DST: variants seen among roughly 807,000 people sequenced by gnomAD.
The protein encoded by DST is dystonin.
DST carries 253 observed loss-of-function variants against 875.2 expected under a neutral mutation model. The ratio of observed to expected loss-of-function variants is 0.29; its 90% confidence interval spans 0.26 to 0.32. The LOEUF is 0.32. Ranked by LOEUF, DST falls within the 10% of genes least tolerant of loss-of-function variation. DST has a pLI of 1.00. For synonymous variants in DST, 3,124 were observed against 3,197.1 expected, an observed-to-expected ratio of 0.98 and a Z score of 0.77; for missense variants, 8,287 against 9,111.6, an observed-to-expected ratio of 0.91 and a Z score of 3.68.
rs34682914 is a variant in DST, at chr6:56,591,981, CAAAAAAA to C, written c.12903+194_12903+200del. Among the ~76,000 whole-genome samples the C allele has an allele frequency of 1.6e-4, 10 of 63,944 alleles. 1 individual carries two copies. Among genetic ancestry groups the C allele is most frequent in the Non-Finnish European group, 2.5e-4 (9 of 35,912 alleles). 41.9% of individuals were successfully genotyped at this position (63,944 alleles called of 152,430 possible). ...TACACGATGGAGTGAGACTCCATCTCAAAAAAAAAAAAAAAAAAAAAATTCGGAAAAA... is the reference window on the plus strand; with the variant it reads ...TACACGATGGAGTGAGACTCCATCTCAAAAAAAAAAAAAAATTCGGAAAAA... On this transcript the variant is annotated intron_variant, in intron 49 of 103. Transcript: ENST00000680361.
At chr6:56,600,648 C>T (rs2098438014) in intron 44 of DST, among the ~76,000 whole-genome samples, 1 of 151,996 alleles carries the variant, frequency 6.6e-6, no homozygotes, top group Non-Finnish European at 1.5e-5. Flanking sequence ...ATGTCTGGTG[C>T]TTCAAGAAAT....
At chr6:56,879,287 T>C (rs901705393) in intron 3 of DST, among the ~76,000 whole-genome samples, 5 of 152,018 alleles carry the variant, frequency 3.3e-5, no homozygotes, top group African/African-American at 1.2e-4. Context: ...GCTAACACGG[T>C]GAAACCCCCG....
Position 56,922,852 on chromosome 6 carries a change from C to A in DST, c.217-22231G>T, listed in dbSNP as rs544445479. Among the ~76,000 whole-genome samples, 5 of 152,260 alleles carry A rather than the reference C, an allele frequency of 3.3e-5. No individual in the cohort carries two copies. The South Asian group carries it at 1.0e-3, about 32-fold the overall frequency. On this transcript the variant is annotated intron_variant, in intron 2 of 103. Transcript: ENST00000680361. ...TCAGATACAAATAATGCTGATTTCACAGTTTAGCAATTATAATGGGTGCTT... is the reference window on the plus strand; with the variant it reads ...TCAGATACAAATAATGCTGATTTCAAAGTTTAGCAATTATAATGGGTGCTT...
Position 56,620,489 on chromosome 6 carries a change from A to G in DST, c.4929+4041T>C, listed in dbSNP as rs559744214. The G allele has an allele frequency of 4.3e-6, 7 of 1,613,968 alleles. 1 individual carries two copies. Among genetic ancestry groups the G allele is most frequent in the South Asian group, 1.1e-5 (1 of 91,072 alleles). ...TTCAGCCCTTATCTTCTGCAGAGAG[A>G]TATCTTCTACATTTCTCTGCTGCTT... On this transcript the variant is annotated intron_variant, in intron 36 of 103. Transcript: ENST00000680361.
At chr6:56,585,692 G>A (rs1180661564) in intron 49 of DST, among the ~76,000 whole-genome samples, 2 of 151,308 alleles carry the variant, frequency 1.3e-5, no homozygotes, top group South Asian at 2.1e-4. Flanking sequence ...ATGTTAGGGT[G>A]TCAATTTTGG....
intron 2 of DST, among the ~76,000 whole-genome samples, chr6:56,933,046 C>A (rs1198052894): frequency 6.6e-6 from 1 of 152,032 alleles, no homozygotes; most frequent in Non-Finnish European, 1.5e-5. Flanking sequence ...CAGACCCCCA[C>A]CGAACAGCAT....
At chr6:56,658,048 G>T (rs2099019263) in intron 10 of DST, among the ~76,000 whole-genome samples, 2 of 151,548 alleles carry the variant, frequency 1.3e-5, no homozygotes, top group Admixed American at 6.6e-5. Context: ...TTATAGGCAT[G>T]AGACACTGCG....
At chr6:56,535,025 T>C in intron 63 of DST, 97 bp downstream of exon 63, 1 of 1,375,100 alleles carries the variant, frequency 7.3e-7, no homozygotes. Context: ...ACCGGTTAAC[T>C]AGGTTATCCT....
At chr6:56,465,962 G>T in intron 99 of DST, 116 bp downstream of exon 99, 3 of 665,966 alleles carry the variant, frequency 4.5e-6, no homozygotes, top group Non-Finnish European at 5.0e-6. Flanking sequence ...ACAGACCAAT[G>T]TGAAACATTC....
intron 4 of DST, among the ~76,000 whole-genome samples, chr6:56,832,777 T>C (rs1315889823): frequency 6.6e-6 from 1 of 152,220 alleles, no homozygotes; most frequent in Non-Finnish European, 1.5e-5. Context: ...TTTGCTCTTA[T>C]CGCCCAGGCT....
intron 5 of DST, among the ~76,000 whole-genome samples, chr6:56,730,503 C>T (rs2099493300): frequency 6.6e-6 from 1 of 152,036 alleles, no homozygotes; most frequent in African/African-American, 2.4e-5. Context: ...ATATAAAACC[C>T]TCTAATATAA....
At chr6:56,800,311 C>A (rs921358295) in intron 4 of DST, among the ~76,000 whole-genome samples, 18 of 152,170 alleles carry the variant, frequency 1.2e-4, no homozygotes, top group African/African-American at 4.3e-4. Flanking sequence ...TAACTGGCAA[C>A]CTGCTTTATT....
chr6:56,697,953 C>A (rs2099273013), intron 9 of DST, among the ~76,000 whole-genome samples: 1 of 152,162 alleles, frequency 6.6e-6, no homozygotes, highest in South Asian at 2.1e-4. Context: ...GCGCTTCATG[C>A]CAAATTATTG....
chr6:56,887,885 G>T (rs1025654417), intron 3 of DST, among the ~76,000 whole-genome samples: 2 of 151,674 alleles, frequency 1.3e-5, no homozygotes, highest in Non-Finnish European at 2.9e-5. Flanking sequence ...ACATTCTTGT[G>T]CCCCTGTGCA....
intron 2 of DST, among the ~76,000 whole-genome samples, chr6:56,925,393 T>C (rs1041239471): frequency 5.9e-5 from 9 of 152,198 alleles, no homozygotes; most frequent in Non-Finnish European, 1.0e-4. Flanking sequence ...CTAGACCCTA[T>C]GGAGATTGGC....
chr6:56,636,625 A>C lies in DST; in HGVS notation c.2992T>G (p.Trp998Gly). The C allele has an allele frequency of 6.2e-7, 1 of 1,613,722 alleles. No individual in the cohort carries two copies. The highest frequency in any genetic ancestry group is 8.5e-7 in the Non-Finnish European group (1 of 1,179,960). The change falls in exon 23 of 104, where the codon TGG (tryptophan) becomes GGG (glycine). Residue 998 changes from tryptophan to glycine, a missense_variant. By Grantham distance (184) the Trp-to-Gly change is radical (BLOSUM62 -2). Transcript: ENST00000680361. ...TGGCAGAGCTGTAAGATCCAGCTCCACTGCGTCTGCATTGCCGCTCTGTAG... is the reference window on the plus strand; with the variant it reads ...TGGCAGAGCTGTAAGATCCAGCTCCCCTGCGTCTGCATTGCCGCTCTGTAG... ...EAYRAAMQTQ[W>G]SWILQLCQCV...
intron 11 of DST, 36 bp from the exon 12 acceptor site, chr6:56,651,068 G>T: frequency 6.3e-7 from 1 of 1,585,286 alleles, no homozygotes; most frequent in Non-Finnish European, 8.7e-7. Context: ...ATTTCACAAT[G>T]TTGATAAATT....
intron 2 of DST, among the ~76,000 whole-genome samples, chr6:56,926,017 A>T (rs1263646444): frequency 2.0e-5 from 3 of 152,238 alleles, no homozygotes; most frequent in Non-Finnish European, 4.4e-5. Context: ...GCCTTCGAGT[A>T]AGCAGATGTA....
At position 56,624,227 on chromosome 6, in the gene DST, G is replaced by T; in HGVS notation, c.4929+303C>A. 8.5e-6 allele frequency: 5 copies of T among 586,066 alleles called. No individual in the cohort carries two copies. In the South Asian group the frequency reaches 1.1e-4, roughly 13 times the overall value. The allele number at this position is 586,066 out of a possible 1,614,324, so 36.3% of individuals were successfully genotyped here. A position where few individuals can be genotyped will look rare whatever the true frequency, so the allele number is the denominator to read the frequency against. ...CTGTGAGAAAGCCGAAAAATATTCT[G>T]CCAAACTGCCAAAATTTCGTAATTT... On this transcript the variant is annotated intron_variant, in intron 36 of 103. Coordinates refer to ENST00000680361, the MANE Select transcript of DST (RefSeq NM_001374736.1).
Sources: gnomAD v4.1 joint callset for allele counts (sites outside exome capture counted in the v4.1 genomes callset) on GRCh38, gnomAD v4.1.1 for gene constraint, MANE v1.5 for transcripts, NCBI Gene and HGNC (gene_info 2026-07-23, HGNC 2026-07-21) for gene names.